Variants in RBFOX1 observed in about 807,000 individuals in gnomAD.
The protein encoded by RBFOX1 is RNA binding fox-1 homolog 1.
Under a neutral mutation model 57.7 loss-of-function variants are expected in RBFOX1, and 8 were observed. The ratio of observed to expected loss-of-function variants is 0.14; its 90% CI spans 0.08 to 0.25. The LOEUF (loss-of-function observed/expected upper bound fraction) is 0.25, where lower values mean the gene tolerates loss of function less well. Among genes scored for constraint, RBFOX1 ranks in the 10% least tolerant of loss-of-function variants. RBFOX1 has a pLI of 1.00. For missense variants in RBFOX1, 611 were observed against 548.5 expected, an observed-to-expected ratio of 1.11 and a Z score of -1.14; for synonymous variants, 326 against 222.4, an observed-to-expected ratio of 1.47 and a Z score of -4.15.
At position 7,399,124 on chromosome 16, in the gene RBFOX1, C is replaced by G. The variant is rs540384162; in HGVS notation, c.28-119023C>G. On this transcript the variant is annotated intron_variant, in intron 4 of 15. Transcript: ENST00000550418. The stretch of plus-strand genomic sequence containing the variant: ...CAAAGCTGCACTTGTACCCCCGAAT[C>G]CAACATGAAAGTTGAAATTATATTT... Among the ~76,000 whole-genome samples, 193 of 152,280 alleles carry G rather than the reference C, an allele frequency of 1.3e-3. 1 individual carries two copies. The highest frequency in any genetic ancestry group is 1.7e-3 in the Non-Finnish European group (116 of 68,020).
intron 1 of RBFOX1, among the ~76,000 whole-genome samples, chr16:6,290,438 C>G (rs528569480): frequency 2.6e-5 from 4 of 152,038 alleles, no homozygotes; most frequent in African/African-American, 9.6e-5. Context: ...TTAGAAACTA[C>G]CTTTTTTATG....
chr16:6,923,384 A>T (rs1412538207), intron 3 of RBFOX1, among the ~76,000 whole-genome samples: 1 of 152,080 alleles, frequency 6.6e-6, no homozygotes, highest in Non-Finnish European at 1.5e-5. Context: ...CAATACACAA[A>T]TTAGCAGGCA....
At chr16:6,973,333 G>C (rs1361026363) in intron 3 of RBFOX1, among the ~76,000 whole-genome samples, 1 of 152,178 alleles carries the variant, frequency 6.6e-6, no homozygotes, top group Non-Finnish European at 1.5e-5. Context: ...TTTGTTGTCA[G>C]ACAAAAGCAG....
At chr16:6,746,354 T>C (rs1236395766) in intron 3 of RBFOX1, among the ~76,000 whole-genome samples, 1 of 152,142 alleles carries the variant, frequency 6.6e-6, no homozygotes, top group Non-Finnish European at 1.5e-5. Flanking sequence ...CTGTATGATT[T>C]GCAGACTTAA....
chr16:6,909,178 C>G (rs1446648704), intron 3 of RBFOX1, among the ~76,000 whole-genome samples: 1 of 152,138 alleles, frequency 6.6e-6, no homozygotes, highest in African/African-American at 2.4e-5. Flanking sequence ...TCTGGAGGTT[C>G]TTTGGGAGAA....
intron 3 of RBFOX1, among the ~76,000 whole-genome samples, chr16:6,938,227 G>T (rs62017714): frequency 0.15 from 23,477 of 152,096 alleles, 2,152 homozygotes; most frequent in East Asian, 0.27. Context: ...TTAGATCATT[G>T]TCCTATAAAT....
At chr16:6,013,814 C>T (rs562038264) in intron 4 of RBFOX1, among the ~76,000 whole-genome samples, 80 of 151,794 alleles carry the variant, frequency 5.3e-4, no homozygotes, top group African/African-American at 1.6e-3. Flanking sequence ...TGAATAGTGC[C>T]GCATGGATGA....
intron 3 of RBFOX1, among the ~76,000 whole-genome samples, chr16:6,770,292 C>G (rs948975855): frequency 6.6e-6 from 1 of 152,150 alleles, no homozygotes; most frequent in Non-Finnish European, 1.5e-5. Flanking sequence ...TTGACCAAAT[C>G]CAGTAGCAAT....
chr16:6,349,977 T>C (rs1483434275), intron 2 of RBFOX1, among the ~76,000 whole-genome samples: 1 of 152,136 alleles, frequency 6.6e-6, no homozygotes, highest in African/African-American at 2.4e-5. Context: ...TGCGTGTCTC[T>C]CCTTGGCAAA....
intron 1 of RBFOX1, among the ~76,000 whole-genome samples, chr16:6,221,194 G>T (rs970351935): frequency 6.6e-6 from 1 of 152,122 alleles, no homozygotes; most frequent in Non-Finnish European, 1.5e-5. Flanking sequence ...TTTCAAAAGG[G>T]TCATAGCAAT....
At chr16:7,282,998 C>G (rs2095577313) in intron 4 of RBFOX1, among the ~76,000 whole-genome samples, 2 of 152,098 alleles carry the variant, frequency 1.3e-5, no homozygotes, top group Non-Finnish European at 2.9e-5. Flanking sequence ...TCAATGCACT[C>G]ATTGGTTTAT....
intron 4 of RBFOX1, among the ~76,000 whole-genome samples, chr16:7,500,269 A>C (rs1567529219): frequency 6.6e-6 from 1 of 152,190 alleles, no homozygotes; most frequent in African/African-American, 2.4e-5. Flanking sequence ...TTCACTTGCC[A>C]AGATGGAACT....
intron 3 of RBFOX1, among the ~76,000 whole-genome samples, chr16:6,736,182 A>T (rs2070240366): frequency 6.6e-6 from 1 of 151,882 alleles, no homozygotes; most frequent in Non-Finnish European, 1.5e-5. Context: ...TAATTTTTTA[A>T]ATTTTATTTT....
intron 4 of RBFOX1, among the ~76,000 whole-genome samples, chr16:7,208,343 G>C (rs900483197): frequency 2.0e-5 from 3 of 152,244 alleles, no homozygotes; most frequent in Non-Finnish European, 4.4e-5. Context: ...GCTAACGCTG[G>C]GGAATTTATA....
intron 4 of RBFOX1, among the ~76,000 whole-genome samples, chr16:7,442,306 C>T (rs991117617): frequency 6.6e-6 from 1 of 152,166 alleles, no homozygotes; most frequent in South Asian, 2.1e-4. Context: ...CTGCCTTCTC[C>T]AGCAGCAGTC....
intron 1 of RBFOX1, among the ~76,000 whole-genome samples, chr16:6,118,568 T>C (rs958887659): frequency 3.3e-5 from 5 of 152,070 alleles, no homozygotes; most frequent in African/African-American, 1.2e-4. Flanking sequence ...CCTTTCTCTT[T>C]CTCTTTCTCT....
intron 4 of RBFOX1, among the ~76,000 whole-genome samples, chr16:7,429,352 T>C (rs1229221930): frequency 6.6e-6 from 1 of 152,192 alleles, no homozygotes; most frequent in East Asian, 1.9e-4. Context: ...CACCCCCTTT[T>C]CATTCATCAG....
intron 2 of RBFOX1, among the ~76,000 whole-genome samples, chr16:6,537,905 G>T (rs577120881): frequency 5.3e-5 from 8 of 151,624 alleles, no homozygotes; most frequent in Non-Finnish European, 1.0e-4. Context: ...TAGCTGAATG[G>T]AAGAACCGGC....
At chr16:5,774,787 A>G (rs1387868420) in intron 3 of RBFOX1, among the ~76,000 whole-genome samples, 1 of 152,114 alleles carries the variant, frequency 6.6e-6, no homozygotes, top group Non-Finnish European at 1.5e-5. Flanking sequence ...AGTTCAAGCA[A>G]TTCTCCTGCC....
Sources: gnomAD v4.1 joint callset for allele counts (sites outside exome capture counted in the v4.1 genomes callset) on GRCh38, gnomAD v4.1.1 for gene constraint, MANE v1.5 for transcripts, NCBI Gene and HGNC (gene_info 2026-07-23, HGNC 2026-07-21) for gene names.